PCNX1: variants seen among roughly 807,000 people sequenced by gnomAD.
The protein encoded by PCNX1 is pecanex 1, also known as pecanex-like protein 1.
A neutral mutation model predicts 242.2 loss-of-function variants in PCNX1; 78 were observed. The ratio of observed to expected loss-of-function variants is 0.32; its 90% confidence interval spans 0.27 to 0.39. PCNX1 has a LOEUF of 0.39. Among genes scored for constraint, PCNX1 ranks in the 10% least tolerant of loss-of-function variants. The pLI is 1.00. For missense variants in PCNX1, 2,581 were observed against 2,856.5 expected (o/e 0.90, Z 2.20); for synonymous variants, 1,024 against 1,032.9 (o/e 0.99, Z 0.17).
chr14:71,031,788 C>G, intron 16 of PCNX1: 1 of 1,465,962 alleles, frequency 6.8e-7, no homozygotes, highest in Non-Finnish European at 9.5e-7. Context: ...CCTACCAGTG[C>G]AGGGAGCCCA....
chr14:70,987,225 A>G (rs1331344610), intron 6 of PCNX1, among the ~76,000 whole-genome samples: 2 of 152,212 alleles, frequency 1.3e-5, no homozygotes, highest in African/African-American at 4.8e-5. Context: ...CTTTCTAGAT[A>G]AGCACTGTTC....
At chr14:71,094,181 C>T (rs1028854936) in intron 30 of PCNX1, among the ~76,000 whole-genome samples, 1 of 152,272 alleles carries the variant, frequency 6.6e-6, no homozygotes, top group Non-Finnish European at 1.5e-5. Flanking sequence ...CTCAAATGTC[C>T]GTTAGCAGAC....
At chr14:71,058,312 C>A (rs1185671486) in intron 26 of PCNX1, among the ~76,000 whole-genome samples, 1 of 152,148 alleles carries the variant, frequency 6.6e-6, no homozygotes, top group African/African-American at 2.4e-5. Flanking sequence ...TAGTTACTGG[C>A]CATTCTCCTT....
At chr14:70,986,287 TAA>T (rs1293224648) in intron 6 of PCNX1, among the ~76,000 whole-genome samples, 4 of 152,204 alleles carry the variant, frequency 2.6e-5, no homozygotes, top group Non-Finnish European at 5.9e-5. Flanking sequence ...CTGAATATTA[TAA>T]GAGACAGCAT....
intron 6 of PCNX1, among the ~76,000 whole-genome samples, chr14:70,981,920 C>CT (rs1165730738): frequency 6.6e-6 from 1 of 151,936 alleles, no homozygotes; most frequent in Non-Finnish European, 1.5e-5. Context: ...ATTCTTTGTG[C>CT]TTTTTTTCTG....
intron 8 of PCNX1, among the ~76,000 whole-genome samples, chr14:71,000,778 G>A (rs890535496): frequency 4.0e-5 from 6 of 151,854 alleles, no homozygotes; most frequent in Non-Finnish European, 8.8e-5. Context: ...CACCCACCTC[G>A]GCCTCCCAAA....
intron 2 of PCNX1, among the ~76,000 whole-genome samples, chr14:70,952,323 G>A (rs1056890946): frequency 1.3e-5 from 2 of 152,038 alleles, no homozygotes; most frequent in Admixed American, 1.3e-4. Context: ...ATAATCAAGT[G>A]ACTACTTCAT....
intron 28 of PCNX1, among the ~76,000 whole-genome samples, chr14:71,086,959 T>C (rs182647391): frequency 7.9e-4 from 121 of 152,210 alleles, no homozygotes; most frequent in Non-Finnish European, 1.5e-3. Flanking sequence ...ATGGTCTCTA[T>C]TGAATCATCT....
intron 1 of PCNX1, among the ~76,000 whole-genome samples, chr14:70,921,954 C>T (rs371171596): frequency 4.5e-4 from 68 of 152,154 alleles, no homozygotes; most frequent in Admixed American, 1.2e-3. Flanking sequence ...AAATATATGT[C>T]GGGATAGGTG....
chr14:70,931,196 T>C (rs2056786058), intron 1 of PCNX1, among the ~76,000 whole-genome samples: 1 of 152,156 alleles, frequency 6.6e-6, no homozygotes, highest in African/African-American at 2.4e-5. Flanking sequence ...CCCATTTTCT[T>C]TGGGAAAAAG....
intron 26 of PCNX1, among the ~76,000 whole-genome samples, chr14:71,058,947 C>G (rs2061253389): frequency 6.6e-6 from 1 of 152,192 alleles, no homozygotes; most frequent in Admixed American, 6.5e-5. Context: ...CAATCCTAAT[C>G]CAACTAGGCT....
chr14:71,019,467 A>G lies in PCNX1; in HGVS notation c.3150+305A>G, dbSNP rs190692263. On this transcript the variant is annotated intron_variant, in intron 12 of 35. Coordinates refer to ENST00000304743, the MANE Select transcript of PCNX1 (RefSeq NM_014982.3). ...GCCCAGGCTGCAGTGCAATGATGCT[A>G]TCTGGCTCACTGCAACCGTCGCCTC... Among the ~76,000 whole-genome samples the G allele has an allele frequency of 9.2e-5, 14 of 152,280 alleles. No homozygotes were observed. The East Asian group carries it at 1.9e-3, about 21-fold the overall frequency.
At chr14:71,080,198 T>C (rs1295922347) in intron 28 of PCNX1, among the ~76,000 whole-genome samples, 1 of 152,224 alleles carries the variant, frequency 6.6e-6, no homozygotes, top group Non-Finnish European at 1.5e-5. Flanking sequence ...AGTGGCATTA[T>C]TTCTGAGGCC....
At chr14:70,987,635 A>T (rs2059037365) in intron 6 of PCNX1, among the ~76,000 whole-genome samples, 1 of 152,230 alleles carries the variant, frequency 6.6e-6, no homozygotes. Context: ...AATTATTTAG[A>T]TCACACAGTT....
intron 24 of PCNX1, among the ~76,000 whole-genome samples, chr14:71,053,597 C>T (rs2061101069): frequency 6.6e-6 from 1 of 152,190 alleles, no homozygotes; most frequent in South Asian, 2.1e-4. Context: ...GGATTACAGG[C>T]GTGAGCCACT....
At chr14:71,002,298 T>C (rs9323554) in intron 8 of PCNX1, among the ~76,000 whole-genome samples, 248 of 152,350 alleles carry the variant, frequency 1.6e-3, no homozygotes, top group African/African-American at 5.7e-3. Context: ...TTTCACTGAC[T>C]GTTTGCTGCT....
Position 71,047,038 on chromosome 14 carries a change from T to C in PCNX1, c.4093T>C (p.Leu1365=). 2 of 1,611,432 alleles carry C rather than the reference T, an allele frequency of 1.2e-6. No homozygotes were observed. The highest frequency in any genetic ancestry group is 1.1e-5 in the South Asian group (1 of 90,960). The change falls in exon 21 of 36, where the codon TTG becomes CTG. Residue 1365 remains leucine (L), a synonymous_variant. Transcript: ENST00000304743. ...LFVEKNIIYP[L]IVLNELSSSA... is the part of the protein sequence containing the mutation. Reference sequence around the variant, plus strand: ...TGTGGAGAAGAATATAATCTATCCATTGATTGTTCTCAATGAACTGAGCAG... The same window carrying C: ...TGTGGAGAAGAATATAATCTATCCACTGATTGTTCTCAATGAACTGAGCAG...
At chr14:71,061,856 G>C (rs60473605) in intron 26 of PCNX1, among the ~76,000 whole-genome samples, 1 of 152,110 alleles carries the variant, frequency 6.6e-6, no homozygotes, top group African/African-American at 2.4e-5. Flanking sequence ...CTAATGAGGG[G>C]TTGTTGGAAC....
chr14:71,003,345 C>G (rs894042692), intron 8 of PCNX1, among the ~76,000 whole-genome samples: 1 of 152,102 alleles, frequency 6.6e-6, no homozygotes, highest in Non-Finnish European at 1.5e-5. Flanking sequence ...CCCGCCTCGG[C>G]CCCCCAAAGC....
Sources: allele counts gnomAD v4.1 joint callset (sites outside exome capture counted in the v4.1 genomes callset), GRCh38; gene constraint gnomAD v4.1.1; transcripts MANE v1.5; gene names NCBI Gene and HGNC (gene_info 2026-07-23, HGNC 2026-07-21).